SFI1: variants seen among roughly 807,000 people sequenced by gnomAD.
SFI1 encodes the protein SFI1 centrin binding protein.
SFI1 carries 195 observed loss-of-function variants against 207.5 expected under a neutral mutation model. The ratio of observed to expected loss-of-function variants is 0.94; its 90% CI spans 0.84 to 1.06. The LOEUF is 1.06. SFI1 is among the 50% of genes least tolerant of loss of function. SFI1 has a pLI of 0.00. For missense variants in SFI1, 1,634 were observed against 1,588.0 expected, an observed-to-expected ratio of 1.03 and a Z score of -0.49; for synonymous variants, 630 against 598.9, an observed-to-expected ratio of 1.05 and a Z score of -0.76.
chr22:31,573,052 T>G lies in SFI1; in HGVS notation c.766-6T>G, dbSNP rs767233693. On this transcript the variant is annotated splice_polypyrimidine_tract_variant and splice_region_variant and intron_variant, in intron 8 of 32. Transcript: ENST00000400288. ...CTTTGACTGTTGCCTCTTCTCTGGT[T>G]TTCAGGCTTGGTCACAGTGGCGGGA... 1 of 1,612,926 alleles carries G rather than the reference T, an allele frequency of 6.2e-7. No individual in the cohort carries two copies. Among genetic ancestry groups the G allele is most frequent in the Non-Finnish European group, 8.5e-7 (1 of 1,179,290 alleles).
intron 4 of SFI1, among the ~76,000 whole-genome samples, chr22:31,532,060 CA>C (rs539255698): frequency 3.4e-5 from 5 of 145,710 alleles, no homozygotes; most frequent in Non-Finnish European, 3.0e-5. Flanking sequence ...AACTCCATCT[CA>C]AAAAAAAAAT....
intron 5 of SFI1, among the ~76,000 whole-genome samples, chr22:31,548,218 A>G (rs141563195): frequency 0.012 from 1,774 of 150,796 alleles, 9 homozygotes; most frequent in Middle Eastern, 0.032. Flanking sequence ...GCGAGACTCC[A>G]TCTCAGAAAA....
chr22:31,587,651 T>C (rs958857237), intron 14 of SFI1: 2 of 153,588 alleles, frequency 1.3e-5, no homozygotes, highest in African/African-American at 4.8e-5. Flanking sequence ...TGGATTTTGG[T>C]ATCTGAGAGG....
intron 2 of SFI1, among the ~76,000 whole-genome samples, chr22:31,513,269 A>T (rs920625163): frequency 1.3e-5 from 2 of 150,078 alleles, no homozygotes; most frequent in Non-Finnish European, 3.0e-5. Context: ...AGCAATCTTC[A>T]TGCCTCAGAC....
intron 15 of SFI1, among the ~76,000 whole-genome samples, chr22:31,601,966 A>ATTTTTTTTTTTTTTTTT (rs1221733548): frequency 1.3e-5 from 2 of 151,292 alleles, no homozygotes; most frequent in African/African-American, 4.9e-5. Context: ...CAATTTTAAA[A>ATTTTTTTTTTTTTTTTT]TTTTTTTGTA....
chr22:31,510,396 T>G (rs1174054751), intron 2 of SFI1, among the ~76,000 whole-genome samples: 1 of 151,940 alleles, frequency 6.6e-6, no homozygotes, highest in East Asian at 1.9e-4. Context: ...CATTTAATTT[T>G]TTTTACTTGT....
chr22:31,531,076 C>G lies in SFI1; in HGVS notation c.285C>G (p.Phe95Leu). ...ELRIRCVARK[F>L]LYLWIRMTFG... ...CTTTCAGATGCGTGGCCAGAAAGTTCTTATATTTATGGATTCGAATGACTT... is the reference window on the plus strand; with the variant it reads ...CTTTCAGATGCGTGGCCAGAAAGTTGTTATATTTATGGATTCGAATGACTT... Residue 95 changes from phenylalanine to leucine, a missense_variant, in exon 4 of 33, where the codon TTC becomes TTG. By Grantham distance (22) the Phe-to-Leu change is conservative. Transcript: ENST00000400288. The G allele has an allele frequency of 6.2e-7, 1 of 1,613,114 alleles. No individual in the cohort carries two copies. Among genetic ancestry groups the G allele is most frequent in the Non-Finnish European group, 8.5e-7 (1 of 1,179,756 alleles).
intron 24 of SFI1, 148 bp downstream of exon 24, chr22:31,611,988 G>A: frequency 1.4e-6 from 2 of 1,431,980 alleles, no homozygotes; most frequent in Non-Finnish European, 9.2e-7. Flanking sequence ...CCACCTTCCT[G>A]TCATTTCCAG....
At chr22:31,594,969 T>C (rs2066877454) in intron 15 of SFI1, among the ~76,000 whole-genome samples, 1 of 151,652 alleles carries the variant, frequency 6.6e-6, no homozygotes, top group African/African-American at 2.4e-5. Context: ...TGGGACATAA[T>C]GAAGAAATAA....
intron 21 of SFI1, chr22:31,606,692 TC>T (rs370018767): frequency 3.2e-4 from 74 of 234,300 alleles, no homozygotes; most frequent in African/African-American, 1.4e-3. Context: ...TTTCTTTTTT[TC>T]TTTTTTTTTT....
intron 15 of SFI1, among the ~76,000 whole-genome samples, chr22:31,593,856 G>A (rs1402809050): frequency 1.4e-5 from 2 of 148,084 alleles, no homozygotes; most frequent in African/African-American, 4.9e-5. Flanking sequence ...GTGGCGGCGC[G>A]TGCCTGCAAT....
chr22:31,614,611 C>T (rs780395332), intron 27 of SFI1, 178 bp from the exon 28 acceptor site: 13 of 727,744 alleles, frequency 1.8e-5, no homozygotes, highest in Non-Finnish European at 3.2e-5. Flanking sequence ...CGTCAGGTAC[C>T]TTTTGTCGGA....
intron 12 of SFI1, among the ~76,000 whole-genome samples, chr22:31,582,408 C>G (rs973934947): frequency 6.7e-6 from 1 of 150,114 alleles, no homozygotes; most frequent in Non-Finnish European, 1.5e-5. Flanking sequence ...CACACCATCA[C>G]GCCTGGCCAA....
intron 2 of SFI1, among the ~76,000 whole-genome samples, chr22:31,525,160 T>G (rs2057761778): frequency 6.6e-6 from 1 of 152,200 alleles, no homozygotes; most frequent in Non-Finnish European, 1.5e-5. Flanking sequence ...CAGAAGTTTT[T>G]GAGATTATCC....
chr22:31,575,492 G>A (rs2063385764), intron 10 of SFI1, 100 bp downstream of exon 10: 2 of 1,266,984 alleles, frequency 1.6e-6, no homozygotes, highest in Non-Finnish European at 2.1e-6. Flanking sequence ...GGAAACAATT[G>A]CCAAACGATT....
chr22:31,524,615 G>A (rs896228517), intron 2 of SFI1, among the ~76,000 whole-genome samples: 4 of 151,354 alleles, frequency 2.6e-5, no homozygotes, highest in African/African-American at 7.3e-5. Flanking sequence ...GGATTTTGCC[G>A]TGTTGCCCAG....
Position 31,597,897 on chromosome 22 carries a change from G to A in SFI1, c.1545-4315G>A, listed in dbSNP as rs537592430. On this transcript the variant is annotated intron_variant, in intron 15 of 32. Coordinates refer to ENST00000400288, the MANE Select transcript of SFI1 (RefSeq NM_001007467.3). ...AAGGTACTGAGAATGAGACAAAATTGGTTTGTCTTTTATTTTAATCGAGAT... is the reference window on the plus strand; with the variant it reads ...AAGGTACTGAGAATGAGACAAAATTAGTTTGTCTTTTATTTTAATCGAGAT... Among the ~76,000 whole-genome samples the A allele has an allele frequency of 4.4e-4, 67 of 152,036 alleles. 1 individual carries two copies. The South Asian group carries it at 0.014, about 32-fold the overall frequency.
At chr22:31,556,501 C>T (rs1329849202) in intron 6 of SFI1, among the ~76,000 whole-genome samples, 1 of 152,120 alleles carries the variant, frequency 6.6e-6, no homozygotes, top group African/African-American at 2.4e-5. Flanking sequence ...GGATTACAGG[C>T]GTGAGCCACT....
At chr22:31,588,847 A>T (rs914514694) in intron 14 of SFI1, among the ~76,000 whole-genome samples, 1 of 151,968 alleles carries the variant, frequency 6.6e-6, no homozygotes, top group Non-Finnish European at 1.5e-5. Context: ...AAAAAAACAA[A>T]AACATAAAAC....
Sources: allele counts gnomAD v4.1 joint callset (sites outside exome capture counted in the v4.1 genomes callset), GRCh38; gene constraint gnomAD v4.1.1; transcripts MANE v1.5; gene names NCBI Gene and HGNC (gene_info 2026-07-23, HGNC 2026-07-21).